Variants in ATRNL1 observed in about 807,000 individuals in gnomAD.
The protein encoded by ATRNL1 is attractin like 1.
Under a neutral mutation model 182.7 loss-of-function variants are expected in ATRNL1, and 95 were observed. The observed-to-expected ratio is 0.52, with a 90% CI of 0.44 to 0.62. The LOEUF (loss-of-function observed/expected upper bound fraction) is 0.62, where lower values mean the gene tolerates loss of function less well. Among genes scored for constraint, ATRNL1 ranks in the 20% least tolerant of loss-of-function variants. The probability of loss-of-function intolerance (pLI) is 0.00; values close to 1 mark genes in which losing one functional copy is unlikely to be tolerated. For synonymous variants in ATRNL1, 576 were observed against 568.3 expected, an observed-to-expected ratio of 1.01 and a Z score of -0.19; for missense variants, 1,471 against 1,679.5, an observed-to-expected ratio of 0.88 and a Z score of 2.17.
chr10:115,908,220 A>G (rs1489105470), intron 28 of ATRNL1, among the ~76,000 whole-genome samples: 1 of 152,158 alleles, frequency 6.6e-6, no homozygotes, highest in Non-Finnish European at 1.5e-5. Flanking sequence ...AGGAGGCCCT[A>G]GCAAATTACC....
chr10:115,582,583 G>A (rs1199857875), intron 26 of ATRNL1, among the ~76,000 whole-genome samples: 4 of 130,634 alleles, frequency 3.1e-5, no homozygotes, highest in African/African-American at 1.0e-4. Context: ...CCCACTTTTT[G>A]ATGGGTTTGT....
At chr10:115,621,456 C>T (rs1857766414) in intron 26 of ATRNL1, among the ~76,000 whole-genome samples, 1 of 151,862 alleles carries the variant, frequency 6.6e-6, no homozygotes, top group Non-Finnish European at 1.5e-5. Context: ...CCCATACCAC[C>T]ATGCCTGGCT....
chr10:115,527,498 GTA>G (rs1491280051), intron 25 of ATRNL1, among the ~76,000 whole-genome samples: 1 of 123,342 alleles, frequency 8.1e-6, no homozygotes, highest in East Asian at 2.0e-4. Flanking sequence ...TATAAAACCT[GTA>G]AAAAATGATT....
chr10:115,405,476 T>C (rs1299754677), intron 20 of ATRNL1, among the ~76,000 whole-genome samples: 1 of 152,208 alleles, frequency 6.6e-6, no homozygotes, highest in Non-Finnish European at 1.5e-5. Context: ...TAATCTCTTT[T>C]TATAACAATT....
chr10:115,184,062 ATAAT>A (rs1157887329), intron 8 of ATRNL1, among the ~76,000 whole-genome samples: 1 of 151,498 alleles, frequency 6.6e-6, no homozygotes, highest in Non-Finnish European at 1.5e-5. Context: ...ATAATTAAGT[ATAAT>A]TAAGTGGGAT....
chr10:115,127,707 C>A lies in ATRNL1; in HGVS notation c.606C>A (p.Phe202Leu). The A allele has an allele frequency of 6.9e-7, 1 of 1,454,838 alleles. No homozygotes were observed. The highest frequency in any genetic ancestry group is 1.5e-5 in the South Asian group (1 of 68,064). The allele number at this position is 1,454,838 out of a possible 1,614,324, so 90.1% of individuals were successfully genotyped here. A position where few individuals can be genotyped will look rare whatever the true frequency, so the allele number is the denominator to read the frequency against. Residue 202 changes from phenylalanine (F) to leucine (L), a missense_variant, in exon 4 of 29, where the codon TTC becomes TTA. Physicochemically the swap from Phe to Leu is conservative, Grantham distance 22. This residue lies in a region of ATRNL1 where 1,031 missense variants were observed against 1,156.0 expected (regional missense o/e 0.89). Coordinates refer to ENST00000355044, the MANE Select transcript of ATRNL1 (RefSeq NM_207303.4). ...FSDAAYNLTGFNIFYSINSCP... is the reference protein window; with the variant it reads ...FSDAAYNLTGLNIFYSINSCP... ...ATGCTGCGTATAATCTAACTGGTTT[C>A]AACATTTTCTATTCGTAAGTATTTT...
intron 27 of ATRNL1, among the ~76,000 whole-genome samples, chr10:115,809,766 T>C (rs1228119261): frequency 2.6e-5 from 4 of 152,044 alleles, no homozygotes; most frequent in African/African-American, 9.7e-5. Flanking sequence ...TCTTCCTTTT[T>C]CATCTGTATG....
chr10:115,308,102 A>C (rs1352249851), intron 17 of ATRNL1, among the ~76,000 whole-genome samples: 6 of 152,168 alleles, frequency 3.9e-5, no homozygotes, highest in African/African-American at 1.4e-4. Flanking sequence ...TTTTCTTTGG[A>C]AATGAGAAAC....
intron 28 of ATRNL1, among the ~76,000 whole-genome samples, chr10:115,892,802 T>C (rs2134467161): frequency 6.6e-6 from 1 of 152,284 alleles, no homozygotes; most frequent in East Asian, 1.9e-4. Context: ...CAAGCCTGCT[T>C]ATGCGCCTGT....
At chr10:115,424,594 C>T (rs1321098674) in intron 20 of ATRNL1, among the ~76,000 whole-genome samples, 4 of 151,872 alleles carry the variant, frequency 2.6e-5, no homozygotes, top group Non-Finnish European at 5.9e-5. Flanking sequence ...GTATTTTATC[C>T]ATAAAAATAA....
intron 1 of ATRNL1, among the ~76,000 whole-genome samples, chr10:115,104,260 T>C (rs1843903886): frequency 6.6e-6 from 1 of 152,196 alleles, no homozygotes; most frequent in South Asian, 2.1e-4. Flanking sequence ...TAATATCACA[T>C]TGTAGTTTTG....
chr10:115,344,682 G>A (rs1461820685), intron 19 of ATRNL1, among the ~76,000 whole-genome samples: 2 of 152,192 alleles, frequency 1.3e-5, no homozygotes, highest in African/African-American at 4.8e-5. Context: ...TTTTCCCTGT[G>A]CTTTTCTCTA....
rs149775836 is a variant in ATRNL1 at position 115,669,652 on chromosome 10, G to C, written c.3796-57596G>C. On this transcript the variant is annotated intron_variant, in intron 26 of 28. Transcript: ENST00000355044. ...GCATTGCTTTGTAACAGTAGACCAG[G>C]TACATTCTGCTAAGCAATAAATCAT... Among the ~76,000 whole-genome samples, 271 of 152,146 alleles carry C rather than the reference G, an allele frequency of 1.8e-3. 1 individual carries two copies. Among genetic ancestry groups the C allele is most frequent in the African/African-American group, 6.2e-3 (257 of 41,538 alleles).
intron 26 of ATRNL1, among the ~76,000 whole-genome samples, chr10:115,646,937 T>TC (rs1324542668): frequency 3.4e-5 from 2 of 59,608 alleles, no homozygotes; most frequent in African/African-American, 6.5e-5. Flanking sequence ...ATGCTAGCCC[T>TC]CCCCCCTCCC....
intron 24 of ATRNL1, among the ~76,000 whole-genome samples, chr10:115,473,418 A>G (rs929908080): frequency 6.6e-6 from 1 of 151,250 alleles, no homozygotes; most frequent in African/African-American, 2.4e-5. Flanking sequence ...AAAGAACAGA[A>G]TACAGCATTA....
In ATRNL1 at chr10:115,683,495, G is replaced by C. The variant is rs183182810; in HGVS notation, c.3796-43753G>C. The stretch of plus-strand genomic sequence containing the variant: ...GATAATGAAAATGAATATGCTTTCT[G>C]TGTTGATAGAAACCCTACAAGCAAG... On this transcript the variant is annotated intron_variant, in intron 26 of 28. Transcript: ENST00000355044. Among the ~76,000 whole-genome samples, 12 of 144,946 alleles carry C rather than the reference G, an allele frequency of 8.3e-5. No individual in the cohort carries two copies. The East Asian group carries it at 2.7e-3, about 32-fold the overall frequency.
chr10:115,905,388 T>A (rs1452883189), intron 28 of ATRNL1, among the ~76,000 whole-genome samples: 4 of 63,416 alleles, frequency 6.3e-5, no homozygotes, highest in Admixed American at 1.5e-4. Context: ...ACCCAGCTAA[T>A]TTTTTTTTTT....
intron 8 of ATRNL1, among the ~76,000 whole-genome samples, chr10:115,191,171 A>G (rs904590480): frequency 6.6e-6 from 1 of 152,176 alleles, no homozygotes; most frequent in Non-Finnish European, 1.5e-5. Context: ...TAGTGCTGCA[A>G]TAAACATGGG....
chr10:115,324,839 G>A (rs1241957579), intron 18 of ATRNL1, among the ~76,000 whole-genome samples: 3 of 152,096 alleles, frequency 2.0e-5, no homozygotes, highest in African/African-American at 7.2e-5. Flanking sequence ...ATGCCTCCTA[G>A]TTCTTATTCG....
Sources: allele counts gnomAD v4.1 joint callset (sites outside exome capture counted in the v4.1 genomes callset), GRCh38; gene constraint gnomAD v4.1.1; regional missense constraint gnomAD v4.1.1; transcripts MANE v1.5; gene names NCBI Gene and HGNC (gene_info 2026-07-23, HGNC 2026-07-21).